GHR: variants seen among roughly 807,000 people sequenced by gnomAD.
GHR encodes growth hormone receptor, also known as GH receptor.
A neutral mutation model predicts 67.1 loss-of-function variants in GHR; 35 were observed. The ratio of observed to expected loss-of-function variants is 0.52; its 90% confidence interval spans 0.40 to 0.69. The LOEUF (loss-of-function observed/expected upper bound fraction) is 0.69, where lower values mean the gene tolerates loss of function less well. GHR is among the 30% of genes least tolerant of loss of function. The pLI is 0.00. For synonymous variants in GHR, 272 were observed against 269.1 expected, an observed-to-expected ratio of 1.01 and a Z score of -0.10; for missense variants, 792 against 764.6, an observed-to-expected ratio of 1.04 and a Z score of -0.42.
At chr5:42,446,371 G>A (rs1743805572) in intron 1 of GHR, among the ~76,000 whole-genome samples, 1 of 152,196 alleles carries the variant, frequency 6.6e-6, no homozygotes, top group African/African-American at 2.4e-5. Flanking sequence ...TAACCGTGGG[G>A]ATATACCAGA....
intron 3 of GHR, among the ~76,000 whole-genome samples, chr5:42,675,948 A>G (rs1409743401): frequency 6.6e-6 from 1 of 152,210 alleles, no homozygotes; most frequent in Non-Finnish European, 1.5e-5. Context: ...TGTACCAGCA[A>G]TTCATTATTT....
chr5:42,467,374 T>A, intron 1 of GHR: 1 of 980,726 alleles, frequency 1.0e-6, no homozygotes, highest in Non-Finnish European at 1.6e-6. Context: ...GCCAGAATCG[T>A]TACAGGCAGA....
chr5:42,601,862 T>TTTCATACA (rs1388716311), intron 2 of GHR, among the ~76,000 whole-genome samples: 1 of 152,126 alleles, frequency 6.6e-6, no homozygotes, highest in Non-Finnish European at 1.5e-5. Flanking sequence ...TTATTGTGTA[T>TTTCATACA]CAAGGGTTGT....
chr5:42,712,539 A>G (rs982321356), intron 7 of GHR, among the ~76,000 whole-genome samples: 3 of 152,196 alleles, frequency 2.0e-5, no homozygotes, highest in African/African-American at 7.2e-5. Flanking sequence ...AAATGCTTAT[A>G]ATATCTCCCT....
chr5:42,570,796 G>A (rs182544742), intron 2 of GHR, among the ~76,000 whole-genome samples: 2 of 152,262 alleles, frequency 1.3e-5, no homozygotes, highest in East Asian at 3.9e-4. Flanking sequence ...TTATTAAAGG[G>A]TTTTAATCTA....
chr5:42,642,505 C>T (rs1199591016), intron 3 of GHR, among the ~76,000 whole-genome samples: 2 of 152,016 alleles, frequency 1.3e-5, no homozygotes, highest in Non-Finnish European at 2.9e-5. Context: ...ACCTAAAATC[C>T]TAGTGGGTTG....
chr5:42,608,097 A>G (rs1008914764), intron 2 of GHR, among the ~76,000 whole-genome samples: 3 of 152,230 alleles, frequency 2.0e-5, no homozygotes, highest in East Asian at 3.8e-4. Flanking sequence ...AAATCACTTC[A>G]TCTCCTTGAG....
intron 1 of GHR, among the ~76,000 whole-genome samples, chr5:42,547,578 C>A (rs1022825183): frequency 1.8e-4 from 27 of 152,118 alleles, no homozygotes; most frequent in Non-Finnish European, 3.7e-4. Flanking sequence ...CTATTTCCCT[C>A]TACTAGAAGG....
intron 1 of GHR, among the ~76,000 whole-genome samples, chr5:42,479,132 ATT>A (rs1372251465): frequency 1.3e-5 from 2 of 152,152 alleles, no homozygotes; most frequent in African/African-American, 4.8e-5. Context: ...TTCTGCGTCT[ATT>A]GAGATAATCA....
chr5:42,479,812 T>A (rs1745533036), intron 1 of GHR, among the ~76,000 whole-genome samples: 2 of 152,218 alleles, frequency 1.3e-5, no homozygotes, highest in South Asian at 4.1e-4. Flanking sequence ...TTCTATCAAT[T>A]TTGTTGATCT....
chr5:42,515,765 A>G (rs1039327248), intron 1 of GHR, among the ~76,000 whole-genome samples: 4 of 152,196 alleles, frequency 2.6e-5, no homozygotes, highest in Admixed American at 2.6e-4. Flanking sequence ...CAGGAAGAAT[A>G]AAATAGAGGT....
intron 1 of GHR, chr5:42,425,064 A>C: frequency 1.0e-6 from 1 of 956,054 alleles, no homozygotes; most frequent in Non-Finnish European, 1.2e-6. Context: ...AGTGTTGGGA[A>C]GTCAGAGTAG....
chr5:42,516,403 G>C (rs1047463217), intron 1 of GHR, among the ~76,000 whole-genome samples: 3 of 152,082 alleles, frequency 2.0e-5, no homozygotes, highest in Admixed American at 2.0e-4. Context: ...TGTGGACCCC[G>C]GAGTCAGGTG....
At chr5:42,595,950 T>C (rs1249574949) in intron 2 of GHR, among the ~76,000 whole-genome samples, 1 of 152,224 alleles carries the variant, frequency 6.6e-6, no homozygotes, top group Non-Finnish European at 1.5e-5. Context: ...TCTTGGAAAG[T>C]GGAGTAACCA....
At chr5:42,646,065 C>T (rs539534764) in intron 3 of GHR, among the ~76,000 whole-genome samples, 1 of 152,318 alleles carries the variant, frequency 6.6e-6, no homozygotes, top group Admixed American at 6.5e-5. Context: ...CCAAATCATA[C>T]TTTATGATTT....
chr5:42,649,974 T>G (rs1161630225), intron 3 of GHR, among the ~76,000 whole-genome samples: 2 of 152,288 alleles, frequency 1.3e-5, no homozygotes, highest in East Asian at 1.9e-4. Context: ...TTAAGAAATA[T>G]AGACTTCAGT....
At chr5:42,474,066 A>G (rs1228524152) in intron 1 of GHR, among the ~76,000 whole-genome samples, 2 of 150,026 alleles carry the variant, frequency 1.3e-5, no homozygotes. Flanking sequence ...GTGCACACCT[A>G]TAATCCCAGC....
At chr5:42,699,389 A>G (rs1013570827) in intron 5 of GHR, among the ~76,000 whole-genome samples, 11 of 152,204 alleles carry the variant, frequency 7.2e-5, no homozygotes, top group African/African-American at 2.4e-4. Context: ...CAGGCCATAC[A>G]TAGTTGCAAG....
At chr5:42,633,253 C>A (rs1184390823) in intron 3 of GHR, among the ~76,000 whole-genome samples, 3 of 152,038 alleles carry the variant, frequency 2.0e-5, no homozygotes, top group East Asian at 1.9e-4. Context: ...CCAACTGGAG[C>A]AAGTTTTATT....
Sources: gnomAD v4.1 joint callset for allele counts (sites outside exome capture counted in the v4.1 genomes callset) on GRCh38, gnomAD v4.1.1 for gene constraint, MANE v1.5 for transcripts, NCBI Gene and HGNC (gene_info 2026-07-23, HGNC 2026-07-21) for gene names.